CSMD1: variants seen among roughly 807,000 people sequenced by gnomAD.
CSMD1 encodes CUB and sushi domain-containing protein 1.
Under a neutral mutation model 417.5 loss-of-function variants are expected in CSMD1, and 213 were observed. That is an observed-to-expected ratio of 0.51 (90% CI 0.46 to 0.57). The LOEUF is 0.57. Ranked by LOEUF, CSMD1 falls within the 20% of genes least tolerant of loss-of-function variation. The pLI is 0.00. For synonymous variants in CSMD1, 2,862 were observed against 1,736.8 expected, an observed-to-expected ratio of 1.65 and a Z score of -16.11; for missense variants, 6,923 against 4,529.7, an observed-to-expected ratio of 1.53 and a Z score of -15.17.
chr8:4,300,057 C>T (rs1333541523), intron 3 of CSMD1, among the ~76,000 whole-genome samples: 2 of 152,204 alleles, frequency 1.3e-5, no homozygotes, highest in Non-Finnish European at 2.9e-5. Context: ...AAGAACTTCT[C>T]ATACATGTCA....
intron 7 of CSMD1, among the ~76,000 whole-genome samples, chr8:3,696,396 A>G (rs1034664574): frequency 6.6e-6 from 1 of 152,182 alleles, no homozygotes; most frequent in Non-Finnish European, 1.5e-5. Flanking sequence ...CATATCTTCA[A>G]ACGTGACTTA....
intron 3 of CSMD1, among the ~76,000 whole-genome samples, chr8:4,195,221 G>T (rs553540997): frequency 6.6e-6 from 1 of 152,110 alleles, no homozygotes; most frequent in Non-Finnish European, 1.5e-5. Context: ...GCATACATTC[G>T]ATTTCAGGCA....
intron 3 of CSMD1, among the ~76,000 whole-genome samples, chr8:4,130,041 T>A (rs1471372398): frequency 6.6e-6 from 1 of 152,154 alleles, no homozygotes; most frequent in Non-Finnish European, 1.5e-5. Context: ...GGCAGTCTGC[T>A]TATATTAGAA....
At chr8:2,949,182 T>A (rs548014989) in intron 68 of CSMD1, 117 bp downstream of exon 68, 77 of 614,982 alleles carry the variant, frequency 1.3e-4, no homozygotes, top group Middle Eastern at 8.0e-4. Context: ...TATGTTAGTC[T>A]CTCTCATTAT....
chr8:3,743,675 C>T (rs1233843261), intron 6 of CSMD1, among the ~76,000 whole-genome samples: 2 of 152,132 alleles, frequency 1.3e-5, no homozygotes, highest in Non-Finnish European at 1.5e-5. Context: ...AAAAGCTCCA[C>T]ACTTCTCCGT....
At chr8:3,646,161 A>C (rs1797559620) in intron 7 of CSMD1, among the ~76,000 whole-genome samples, 2 of 152,260 alleles carry the variant, frequency 1.3e-5, no homozygotes, top group Middle Eastern at 6.8e-3. Flanking sequence ...ACAATATATA[A>C]AATGAAAAAG....
Position 4,449,617 on chromosome 8 carries a change from C to G in CSMD1, c.303-29552G>C, listed in dbSNP as rs141273193. Among the ~76,000 whole-genome samples the G allele has an allele frequency of 9.2e-5, 14 of 152,156 alleles. No homozygotes were observed. In the East Asian group the frequency reaches 2.1e-3, roughly 23 times the overall value. On this transcript the variant is annotated intron_variant, in intron 2 of 69. Transcript: ENST00000635120. ...AGATAATCAATATTCACTGCTGTAG[C>G]CAGAATACATCTTGGAGCAATCCAC...
At chr8:3,639,187 G>C (rs114859465) in intron 7 of CSMD1, among the ~76,000 whole-genome samples, 2,519 of 152,318 alleles carry the variant, frequency 0.017, 70 homozygotes, top group African/African-American at 0.055. Flanking sequence ...GACAGAGTAA[G>C]TCAGAAAGTA....
intron 1 of CSMD1, among the ~76,000 whole-genome samples, chr8:4,740,905 T>C (rs143048495): frequency 1.3e-5 from 2 of 152,318 alleles, no homozygotes; most frequent in East Asian, 3.9e-4. Context: ...ACAGCTAACT[T>C]TCCTGACTTT....
chr8:4,060,440 C>A (rs1798913619), intron 3 of CSMD1, among the ~76,000 whole-genome samples: 1 of 152,058 alleles, frequency 6.6e-6, no homozygotes, highest in African/African-American at 2.4e-5. Context: ...GAAGTTCTGG[C>A]CATATTGGTG....
At chr8:3,439,263 G>C (rs1431007090) in intron 12 of CSMD1, among the ~76,000 whole-genome samples, 1 of 121,378 alleles carries the variant, frequency 8.2e-6, no homozygotes, top group Non-Finnish European at 1.6e-5. Flanking sequence ...CTCTATTTGA[G>C]AGCATTTGGC....
intron 10 of CSMD1, among the ~76,000 whole-genome samples, chr8:3,511,404 G>A (rs1429877516): frequency 6.6e-6 from 1 of 151,636 alleles, no homozygotes; most frequent in Non-Finnish European, 1.5e-5. Flanking sequence ...TAACTGGCAT[G>A]TTATAGATTT....
At chr8:3,163,414 G>GAA (rs77591108) in intron 37 of CSMD1, among the ~76,000 whole-genome samples, 3 of 136,256 alleles carry the variant, frequency 2.2e-5, no homozygotes, top group Non-Finnish European at 3.2e-5. Context: ...TAATCAGAAG[G>GAA]AAAAAAAAAA....
At position 4,845,438 on chromosome 8, in the gene CSMD1, A is replaced by T. The variant is rs557702922; in HGVS notation, c.85+148894T>A. 2.0e-5 allele frequency among the ~76,000 whole-genome samples: 3 copies of T among 152,342 alleles called. No homozygotes were observed. The East Asian group carries it at 5.8e-4, about 29-fold the overall frequency. ...TCATTGAGAACTTGAATCAACCAAT[A>T]ATCAACCAAAAATCTTCAAGTGCAA... is the stretch of plus-strand genomic sequence containing the variant. On this transcript the variant is annotated intron_variant, in intron 1 of 69. Coordinates refer to ENST00000635120, the MANE Select transcript of CSMD1 (RefSeq NM_033225.6).
chr8:2,951,316 C>A, intron 65 of CSMD1, 41 bp from the exon 66 acceptor site: 1 of 1,555,604 alleles, frequency 6.4e-7, no homozygotes, highest in Non-Finnish European at 8.7e-7. Context: ...AGCACACACA[C>A]AAACAATAAA....
intron 1 of CSMD1, among the ~76,000 whole-genome samples, chr8:4,676,459 A>G (rs772231924): frequency 5.3e-5 from 8 of 152,016 alleles, no homozygotes; most frequent in Admixed American, 1.3e-4. Flanking sequence ...CTTCATTCCT[A>G]TCTTCAACTC....
At chr8:3,061,997 C>T (rs1812618933) in intron 49 of CSMD1, among the ~76,000 whole-genome samples, 1 of 152,134 alleles carries the variant, frequency 6.6e-6, no homozygotes, top group African/African-American at 2.4e-5. Context: ...CTGGGCTACA[C>T]CTGACTTATT....
intron 1 of CSMD1, among the ~76,000 whole-genome samples, chr8:4,936,159 G>T (rs10090472): frequency 6.6e-6 from 1 of 152,290 alleles, no homozygotes; most frequent in African/African-American, 2.4e-5. Context: ...GCTACATCTA[G>T]ATCCTGAAAA....
At chr8:3,377,647 G>A (rs570277797) in intron 18 of CSMD1, among the ~76,000 whole-genome samples, 2 of 152,164 alleles carry the variant, frequency 1.3e-5, no homozygotes, top group Non-Finnish European at 2.9e-5. Context: ...TAAACCTCCA[G>A]GAATTCTTAC....
Sources: gnomAD v4.1 joint callset for allele counts (sites outside exome capture counted in the v4.1 genomes callset) on GRCh38, gnomAD v4.1.1 for gene constraint, MANE v1.5 for transcripts, NCBI Gene and HGNC (gene_info 2026-07-23, HGNC 2026-07-21) for gene names.